DLC1: variants seen among roughly 807,000 people sequenced by gnomAD.
DLC1 encodes the protein rho GTPase-activating protein 7.
Under a neutral mutation model 140.3 loss-of-function variants are expected in DLC1, and 54 were observed. That is an observed-to-expected ratio of 0.38 (90% CI 0.31 to 0.48). DLC1 has a LOEUF of 0.48. Among genes scored for constraint, DLC1 ranks in the 20% least tolerant of loss-of-function variants. The probability of loss-of-function intolerance (pLI) is 0.96; values close to 1 mark genes in which losing one functional copy is unlikely to be tolerated. For synonymous variants in DLC1, 986 were observed against 728.1 expected, an observed-to-expected ratio of 1.35 and a Z score of -5.70; for missense variants, 2,536 against 1,907.0, an observed-to-expected ratio of 1.33 and a Z score of -6.14.
intron 5 of DLC1, among the ~76,000 whole-genome samples, chr8:13,162,724 G>A: frequency 6.6e-6 from 1 of 152,102 alleles, no homozygotes; most frequent in East Asian, 1.9e-4. Flanking sequence ...AGGATCACTT[G>A]AGGCCGGGAG....
chr8:13,432,741 G>T (rs185231675), intron 2 of DLC1, among the ~76,000 whole-genome samples: 77 of 152,272 alleles, frequency 5.1e-4, no homozygotes, highest in African/African-American at 1.7e-3. Context: ...ATTTTTAAGT[G>T]TAGTTCCAGT....
chr8:13,295,046 G>A (rs968484758), intron 5 of DLC1, among the ~76,000 whole-genome samples: 1 of 152,110 alleles, frequency 6.6e-6, no homozygotes, highest in South Asian at 2.1e-4. Context: ...ACCAAGGTGC[G>A]GGGAAGATGT....
At chr8:13,191,613 G>A (rs1229753259) in intron 5 of DLC1, among the ~76,000 whole-genome samples, 3 of 152,130 alleles carry the variant, frequency 2.0e-5, no homozygotes, top group Non-Finnish European at 4.4e-5. Flanking sequence ...GATCATGGGA[G>A]GCTTCCCCAT....
chr8:13,286,392 T>C lies in DLC1; in HGVS notation c.1348+18877A>G, dbSNP rs369162626. Among the ~76,000 whole-genome samples the C allele has an allele frequency of 5.3e-5, 8 of 152,282 alleles. No homozygotes were observed. The East Asian group carries it at 1.3e-3, about 26-fold the overall frequency. ...TTAAGTGGATTAAATTTTATTACAATAAATAGGTTTAAATGTCAATGATAA... is the reference window on the plus strand; with the variant it reads ...TTAAGTGGATTAAATTTTATTACAACAAATAGGTTTAAATGTCAATGATAA... On this transcript the variant is annotated intron_variant, in intron 5 of 17. Transcript: ENST00000276297.
chr8:13,364,383 C>T (rs1275618989), intron 4 of DLC1, among the ~76,000 whole-genome samples: 1 of 151,860 alleles, frequency 6.6e-6, no homozygotes, highest in Non-Finnish European at 1.5e-5. Context: ...ACTACAATCT[C>T]CATCTCCCAG....
rs184718617 is a variant in DLC1, at chr8:13,520,912, A to G, written c.-125-20716T>C. On this transcript the variant is annotated intron_variant, in intron 1 of 1. Coordinates refer to the DLC1 transcript ENST00000631382. ...ACCACCCTTGTTACATTACACCATAATATTCTCTGAAATCCTCAATTCATG... is the reference window on the plus strand; with the variant it reads ...ACCACCCTTGTTACATTACACCATAGTATTCTCTGAAATCCTCAATTCATG... 1.5e-3 allele frequency among the ~76,000 whole-genome samples: 226 copies of G among 152,218 alleles called. 1 individual carries two copies. The highest frequency in any genetic ancestry group is 5.3e-3 in the African/African-American group (222 of 41,524).
chr8:13,393,919 C>G (rs150879372), intron 3 of DLC1, among the ~76,000 whole-genome samples: 6 of 152,202 alleles, frequency 3.9e-5, no homozygotes, highest in African/African-American at 1.2e-4. Context: ...AGGTAACATA[C>G]TATTTGGTAA....
chr8:13,179,717 T>A (rs191058525), intron 5 of DLC1, among the ~76,000 whole-genome samples: 2,781 of 151,822 alleles, frequency 0.018, 82 homozygotes, highest in African/African-American at 0.064. Context: ...CAAGACTCAG[T>A]CTCAAAAAAA....
intron 4 of DLC1, among the ~76,000 whole-genome samples, chr8:13,312,037 A>G (rs1832683771): frequency 1.3e-5 from 2 of 152,272 alleles, no homozygotes; most frequent in African/African-American, 4.8e-5. Context: ...TCTAAAATAA[A>G]TTCTAATCAT....
chr8:13,190,532 G>A (rs753507133), intron 5 of DLC1, among the ~76,000 whole-genome samples: 2 of 152,178 alleles, frequency 1.3e-5, no homozygotes, highest in African/African-American at 4.8e-5. Context: ...CTGAAACAAT[G>A]AATTATACTG....
At chr8:13,382,050 T>C (rs1027499632) in intron 4 of DLC1, among the ~76,000 whole-genome samples, 1 of 152,044 alleles carries the variant, frequency 6.6e-6, no homozygotes, top group Non-Finnish European at 1.5e-5. Flanking sequence ...GAAAGTGTTA[T>C]TAGAAAAAGG....
intron 1 of DLC1, among the ~76,000 whole-genome samples, chr8:13,522,897 G>C (rs1260719765): frequency 6.6e-6 from 1 of 152,060 alleles, no homozygotes; most frequent in Non-Finnish European, 1.5e-5. Flanking sequence ...CAGAGTTCCA[G>C]GTAGAATGAA....
At chr8:13,460,511 A>T (rs918287594) in intron 2 of DLC1, among the ~76,000 whole-genome samples, 1 of 152,222 alleles carries the variant, frequency 6.6e-6, no homozygotes, top group Non-Finnish European at 1.5e-5. Flanking sequence ...AATATCTCCT[A>T]GGGTAGGATC....
intron 5 of DLC1, among the ~76,000 whole-genome samples, chr8:13,152,425 A>T (rs748422681): frequency 2.8e-4 from 43 of 152,342 alleles, no homozygotes; most frequent in Middle Eastern, 3.4e-3. Context: ...TGGTATCTCA[A>T]TAAAGCTTTA....
intron 4 of DLC1, among the ~76,000 whole-genome samples, chr8:13,385,574 G>GA (rs2117180821): frequency 6.6e-6 from 1 of 152,248 alleles, no homozygotes; most frequent in East Asian, 1.9e-4. Flanking sequence ...ACTTTATGAG[G>GA]ATACAGAGTA....
intron 5 of DLC1, among the ~76,000 whole-genome samples, chr8:13,118,495 A>C (rs1271687449): frequency 6.6e-6 from 1 of 152,192 alleles, no homozygotes; most frequent in Non-Finnish European, 1.5e-5. Context: ...TACCAACACA[A>C]AGAGTCCACT....
Position 13,453,433 on chromosome 8 carries a change from TATATGTATATATATAC to T in DLC1, c.1023+45600_1023+45615del, listed in dbSNP as rs1799201532. Among the ~76,000 whole-genome samples, 15 of 35,712 alleles carry T rather than the reference TATATGTATATATATAC, an allele frequency of 4.2e-4. 1 individual carries two copies. The highest frequency in any genetic ancestry group is 1.6e-3 in the Admixed American group (5 of 3,094). 23.4% of individuals were successfully genotyped at this position (35,712 alleles called of 152,430 possible). A position where few individuals can be genotyped will look rare whatever the true frequency, so the allele number is the denominator to read the frequency against. ...ATATATATATATATATGTGTATATA[TATATGTATATATATAC>T]ATATATATATGTATATATATACATA... On this transcript the variant is annotated intron_variant, in intron 2 of 17. Transcript: ENST00000276297.
intron 1 of DLC1, among the ~76,000 whole-genome samples, chr8:13,560,703 G>C (rs1286882491): frequency 1.3e-5 from 2 of 152,256 alleles, no homozygotes; most frequent in East Asian, 3.9e-4. Context: ...AGTCTTTAAA[G>C]AGAAAATCAG....
intron 2 of DLC1, among the ~76,000 whole-genome samples, chr8:13,440,339 A>C (rs1798451976): frequency 6.6e-6 from 1 of 152,186 alleles, no homozygotes; most frequent in Non-Finnish European, 1.5e-5. Context: ...AAATGCTACT[A>C]ATACAAGCTG....
Sources: allele counts gnomAD v4.1 joint callset (sites outside exome capture counted in the v4.1 genomes callset), GRCh38; gene constraint gnomAD v4.1.1; transcripts MANE v1.5; gene names NCBI Gene and HGNC (gene_info 2026-07-23, HGNC 2026-07-21).